PCDHGA1: variants seen among roughly 807,000 people sequenced by gnomAD.
The protein encoded by PCDHGA1 is protocadherin gamma-A1.
In PCDHGA1, 32 loss-of-function variants were observed where a neutral mutation model predicts 58.0. The ratio of observed to expected loss-of-function variants is 0.55; its 90% CI spans 0.42 to 0.74. PCDHGA1 has a LOEUF of 0.74. Ranked by LOEUF, PCDHGA1 falls within the 30% of genes least tolerant of loss-of-function variation. The probability of loss-of-function intolerance (pLI) is 0.00; values close to 1 mark genes in which losing one functional copy is unlikely to be tolerated. For missense variants in PCDHGA1, 1,205 were observed against 1,182.3 expected, an observed-to-expected ratio of 1.02 and a Z score of -0.28; for synonymous variants, 498 against 501.1, an observed-to-expected ratio of 0.99 and a Z score of 0.08.
intron 1 of PCDHGA1, chr5:141,351,133 T>A (rs1758653044): frequency 6.2e-7 from 1 of 1,613,884 alleles, no homozygotes; most frequent in Non-Finnish European, 8.5e-7. Context: ...TCAATCTCAA[T>A]CCAAATACTG....
intron 1 of PCDHGA1, chr5:141,414,814 A>C (rs1368279926): frequency 6.2e-7 from 1 of 1,614,100 alleles, no homozygotes; most frequent in African/African-American, 1.3e-5. Flanking sequence ...TCCTCCACTC[A>C]GCAGCAACGT....
chr5:141,415,311 C>T, intron 1 of PCDHGA1: 2 of 1,614,242 alleles, frequency 1.2e-6, no homozygotes, highest in Non-Finnish European at 1.7e-6. Context: ...TGGCCTTCGT[C>T]ATCGTGCTGC....
In PCDHGA1 at chr5:141,476,208, C is replaced by A. The variant is rs1266601125; in HGVS notation, c.2422-18599C>A. 1.2e-6 allele frequency: 2 copies of A among 1,613,912 alleles called. No homozygotes were observed. Among genetic ancestry groups the A allele is most frequent in the East Asian group, 4.5e-5 (2 of 44,826 alleles). On this transcript the variant is annotated intron_variant, in intron 1 of 3. Coordinates refer to ENST00000517417, the MANE Select transcript of PCDHGA1 (RefSeq NM_018912.3). The surrounding 1 kb of genome is among the most constrained non-coding windows in gnomAD (Gnocchi z 7.6). ...CTTGGTGCCTTGAACAAGGCTTCCA[C>A]GGTCATTCACTATGAGATCCCGGAG...
At chr5:141,475,762 G>A (rs4151701) in intron 1 of PCDHGA1, among the ~76,000 whole-genome samples, 9,255 of 152,346 alleles carry the variant, frequency 0.061, 562 homozygotes, top group African/African-American at 0.16. Context: ...CACCGATACT[G>A]GCAAGGCGCT....
At position 141,374,696 on chromosome 5, in the gene PCDHGA1, G is replaced by A. The variant is rs747520978; in HGVS notation, c.2421+41591G>A. 5 of 1,609,314 alleles carry A rather than the reference G, an allele frequency of 3.1e-6. No homozygotes were observed. In the African/African-American group the frequency reaches 6.7e-5, roughly 21 times the overall value. ...GGAGGGCACACTGGACCGGGAAGGA[G>A]AAGCCGTTTACCGCCTGGTCCTTAC... On this transcript the variant is annotated intron_variant, in intron 1 of 3. Coordinates refer to ENST00000517417, the MANE Select transcript of PCDHGA1 (RefSeq NM_018912.3).
chr5:141,422,472 G>A lies in PCDHGA1; in HGVS notation c.2422-72335G>A, dbSNP rs772474296. On this transcript the variant is annotated intron_variant, in intron 1 of 3. Transcript: ENST00000517417. ...CAAGCAGAGTGCTGGACAGGGAGTTGGTCCAGAGCTACAATATAACGTTGA... is the reference window on the plus strand; with the variant it reads ...CAAGCAGAGTGCTGGACAGGGAGTTAGTCCAGAGCTACAATATAACGTTGA... 75 of 1,613,562 alleles carry A rather than the reference G, an allele frequency of 4.6e-5. 3 individuals are homozygous for A. In the South Asian group the frequency reaches 8.1e-4, roughly 17 times the overall value.
At chr5:141,382,942 C>A (rs763091165) in intron 1 of PCDHGA1, 5 of 1,595,522 alleles carry the variant, frequency 3.1e-6, no homozygotes, top group Non-Finnish European at 4.3e-6. Flanking sequence ...AGGATTCTTC[C>A]TGCTCTCCAT....
At chr5:141,462,786 T>G (rs1394476968) in intron 1 of PCDHGA1, among the ~76,000 whole-genome samples, 1 of 152,216 alleles carries the variant, frequency 6.6e-6, no homozygotes, top group Admixed American at 6.5e-5. Flanking sequence ...AATTTGTTGC[T>G]TATTTGCATG....
rs150249178 is a variant in PCDHGA1 at position 141,432,742 on chromosome 5, C to A, written c.2422-62065C>A. 154 of 1,614,076 alleles carry A rather than the reference C, an allele frequency of 9.5e-5. No individual in the cohort carries two copies. In the Middle Eastern group the frequency reaches 1.3e-3, roughly 14 times the overall value. On this transcript the variant is annotated intron_variant, in intron 1 of 3. Transcript: ENST00000517417. This position sits in a 1 kb window ranked among gnomAD's most constrained non-coding sequence, Gnocchi z 6.0. ...CTCTCTCCGCCACTGTCACGCTCAC[C>A]GTGGCCGTGGCCGACAGCATCCCCC... is the stretch of plus-strand genomic sequence containing the variant.
chr5:141,398,708 T>A, intron 1 of PCDHGA1: 2 of 1,613,886 alleles, frequency 1.2e-6, no homozygotes, highest in Non-Finnish European at 1.7e-6. Context: ...TACCCGGAAC[T>A]GGCACTGGAG....
At position 141,409,239 on chromosome 5, in the gene PCDHGA1, A is replaced by C. The variant is rs1330242516; in HGVS notation, c.2421+76134A>C. The C allele has an allele frequency of 5.0e-6, 8 of 1,613,920 alleles. No individual in the cohort carries two copies. In the Admixed American group the frequency reaches 1.3e-4, roughly 27 times the overall value. On this transcript the variant is annotated intron_variant, in intron 1 of 3. Transcript: ENST00000517417. ...CTTGATGAAAACGACAACAGCCCAG[A>C]AATAATCATCACTTCTCTCTCTGAT... is the stretch of plus-strand genomic sequence containing the variant.
intron 1 of PCDHGA1, chr5:141,362,251 G>T: frequency 6.2e-7 from 1 of 1,613,980 alleles, no homozygotes; most frequent in Non-Finnish European, 8.5e-7. Context: ...CTTCTTCCTC[G>T]CGGTGATTCT....
At position 141,476,827 on chromosome 5, in the gene PCDHGA1, G is replaced by A; in HGVS notation, c.2422-17980G>A. On this transcript the variant is annotated intron_variant, in intron 1 of 3. Transcript: ENST00000517417. The surrounding 1 kb of genome is among the most constrained non-coding windows in gnomAD (Gnocchi z 7.6). ...CTATTCACATCAAGGTGCTGGACGC[G>A]AATGACAATGCGCCTGTCTTCAACC... The A allele has an allele frequency of 1.2e-6, 2 of 1,613,542 alleles. No individual in the cohort carries two copies. Among genetic ancestry groups the A allele is most frequent in the Non-Finnish European group, 1.7e-6 (2 of 1,180,046 alleles).
chr5:141,501,290 T>C lies in PCDHGA1; in HGVS notation c.2481-4103T>C, dbSNP rs796726601. Among the ~76,000 whole-genome samples, 19 of 136,248 alleles carry C rather than the reference T, an allele frequency of 1.4e-4. No individual in the cohort carries two copies. The South Asian group carries it at 2.4e-3, about 17-fold the overall frequency. 89.4% of individuals were successfully genotyped at this position (136,248 alleles called of 152,430 possible). ...GTCCAGTCTATGGGATATTCCCTTA[T>C]ACACACACACACACACACACACACA... On this transcript the variant is annotated intron_variant, in intron 2 of 3. Coordinates refer to ENST00000517417, the MANE Select transcript of PCDHGA1 (RefSeq NM_018912.3).
chr5:141,422,987 A>AG, intron 1 of PCDHGA1: 1 of 1,614,168 alleles, frequency 6.2e-7, no homozygotes. Context: ...GAACCTGGCT[A>AG]CCTGGTGACC....
chr5:141,352,644 C>T, intron 1 of PCDHGA1: 6 of 1,605,670 alleles, frequency 3.7e-6, no homozygotes, highest in Non-Finnish European at 5.1e-6. Context: ...CACAAAATCG[C>T]TTATGACCCT....
chr5:141,385,282 G>A lies in PCDHGA1; in HGVS notation c.2421+52177G>A, dbSNP rs769141713. ...GAAAAATGATTCTTTGCTAACATCC[G>A]TAGATTTTCAGGAATGTAAAGAAAA... On this transcript the variant is annotated intron_variant, in intron 1 of 3. Transcript: ENST00000517417. 9.3e-6 allele frequency: 15 copies of A among 1,613,370 alleles called. No homozygotes were observed. The Admixed American group carries it at 1.8e-4, about 20-fold the overall frequency.
At chr5:141,339,446 G>A (rs867895826) in intron 1 of PCDHGA1, 1 of 1,614,226 alleles carries the variant, frequency 6.2e-7, no homozygotes. Flanking sequence ...GAATGCGCAT[G>A]ATGCAGACGT....
chr5:141,361,678 T>G lies in PCDHGA1; in HGVS notation c.2421+28573T>G, dbSNP rs192424877. The G allele has an allele frequency of 1.4e-4, 224 of 1,613,592 alleles. 3 individuals carry two copies. The South Asian group carries it at 2.0e-3, about 15-fold the overall frequency. ...CGTGAGCGCGCAGAGCGGGGTGGTG[T>G]TCGCGCAGCGCGCCTTCGATCATGA... On this transcript the variant is annotated intron_variant, in intron 1 of 3. Transcript: ENST00000517417.
Sources: gnomAD v4.1 joint callset for allele counts (sites outside exome capture counted in the v4.1 genomes callset) on GRCh38, gnomAD v4.1.1 for gene constraint, Gnocchi (gnomAD v3.1) non-coding constraint, MANE v1.5 for transcripts, NCBI Gene and HGNC (gene_info 2026-07-23, HGNC 2026-07-21) for gene names.